GALNTL6: variants seen among roughly 807,000 people sequenced by gnomAD.
GALNTL6 encodes polypeptide N-acetylgalactosaminyltransferase like 6.
Under a neutral mutation model 73.7 loss-of-function variants are expected in GALNTL6, and 46 were observed. The observed-to-expected ratio is 0.62, with a 90% CI of 0.49 to 0.80. The LOEUF (loss-of-function observed/expected upper bound fraction) is 0.80. Ranked by LOEUF, GALNTL6 falls within the 30% of genes least tolerant of loss-of-function variation. The pLI, the probability that GALNTL6 is intolerant of heterozygous loss-of-function variation, is 0.00. For synonymous variants in GALNTL6, 259 were observed against 263.7 expected, an observed-to-expected ratio of 0.98 and a Z score of 0.17; for missense variants, 604 against 755.0, an observed-to-expected ratio of 0.80 and a Z score of 2.34.
intron 5 of GALNTL6, among the ~76,000 whole-genome samples, chr4:172,508,867 A>ATG (rs3083417): frequency 0.87 from 35,261 of 40,398 alleles, 17,155 homozygotes; most frequent in Non-Finnish European, 1. Flanking sequence ...TGCTATAAAC[A>ATG]TGTGTGTGTG....
At chr4:172,762,076 T>TA (rs1171102474) in intron 5 of GALNTL6, among the ~76,000 whole-genome samples, 1 of 152,112 alleles carries the variant, frequency 6.6e-6, no homozygotes. Flanking sequence ...ATTTTCCAAT[T>TA]AAAAAAAATT....
chr4:171,950,482 CTTTT>C (rs149650644), intron 2 of GALNTL6, among the ~76,000 whole-genome samples: 99 of 141,426 alleles, frequency 7.0e-4, no homozygotes, highest in Admixed American at 1.4e-3. Context: ...CTTTTCTTTT[CTTTT>C]TTTTTTTTTT....
rs1479234660 is a variant in GALNTL6 at position 172,952,299 on chromosome 4, C to T, written c.1371+41C>T. On this transcript the variant is annotated intron_variant, in intron 10 of 12. Transcript: ENST00000506823. ...CTGAAACCTGCGCCTACCTATGAGA[C>T]TGTGTGCCTCCCCCATAGCCTCAGG... 7.7e-6 allele frequency: 11 copies of T among 1,434,832 alleles called. No individual in the cohort carries two copies. The South Asian group carries it at 1.3e-4, about 17-fold the overall frequency. The allele number at this position is 1,434,832 out of a possible 1,614,324, so 88.9% of individuals were successfully genotyped here.
chr4:172,923,791 T>C (rs1362217092), intron 8 of GALNTL6, among the ~76,000 whole-genome samples: 1 of 152,136 alleles, frequency 6.6e-6, no homozygotes, highest in African/African-American at 2.4e-5. Context: ...GCAAGTCACA[T>C]CTTACTTGAA....
chr4:173,008,234 C>T (rs747394957), intron 10 of GALNTL6, among the ~76,000 whole-genome samples: 1 of 152,154 alleles, frequency 6.6e-6, no homozygotes, highest in Non-Finnish European at 1.5e-5. Flanking sequence ...CTGCAACATC[C>T]GCCTCATATT....
At chr4:173,036,777 G>A (rs141807250) in intron 12 of GALNTL6, among the ~76,000 whole-genome samples, 6 of 152,238 alleles carry the variant, frequency 3.9e-5, no homozygotes, top group South Asian at 2.1e-4. Context: ...ATCTTCTATC[G>A]TCCTTTAGGG....
chr4:172,804,191 A>G (rs143135387), intron 5 of GALNTL6, among the ~76,000 whole-genome samples: 2 of 152,330 alleles, frequency 1.3e-5, no homozygotes. Context: ...TATTGCCCCT[A>G]TCACTCTGGT....
chr4:171,960,518 A>T (rs1282947010), intron 2 of GALNTL6, among the ~76,000 whole-genome samples: 1 of 151,852 alleles, frequency 6.6e-6, no homozygotes, highest in East Asian at 1.9e-4. Flanking sequence ...GATCTCAGGC[A>T]ATCCACCCAC....
At chr4:172,724,147 T>C (rs1358573439) in intron 5 of GALNTL6, among the ~76,000 whole-genome samples, 1 of 152,170 alleles carries the variant, frequency 6.6e-6, no homozygotes, top group Non-Finnish European at 1.5e-5. Flanking sequence ...CAGTCCTGTA[T>C]ATTATTGCTC....
At chr4:172,123,426 T>C (rs1335499849) in intron 2 of GALNTL6, among the ~76,000 whole-genome samples, 1 of 151,370 alleles carries the variant, frequency 6.6e-6, no homozygotes, top group Admixed American at 6.6e-5. Context: ...TACGATAGCT[T>C]AAAAGAAAAA....
intron 4 of GALNTL6, among the ~76,000 whole-genome samples, chr4:172,343,130 G>C (rs184049076): frequency 3.7e-4 from 56 of 152,166 alleles, no homozygotes; most frequent in Admixed American, 2.0e-3. Flanking sequence ...ATTGTTATAA[G>C]TAAAACAAAA....
At chr4:172,592,796 G>C (rs1290465088) in intron 5 of GALNTL6, among the ~76,000 whole-genome samples, 2 of 151,986 alleles carry the variant, frequency 1.3e-5, no homozygotes, top group East Asian at 3.9e-4. Context: ...ACTTCCCAAG[G>C]AGCTTTGTTT....
chr4:172,223,145 G>T (rs1736741597), intron 2 of GALNTL6, among the ~76,000 whole-genome samples: 1 of 152,006 alleles, frequency 6.6e-6, no homozygotes, highest in Non-Finnish European at 1.5e-5. Flanking sequence ...TGTTTACGAA[G>T]TCAAGAGTAT....
chr4:172,687,770 C>T (rs1449165860), intron 5 of GALNTL6, among the ~76,000 whole-genome samples: 1 of 152,086 alleles, frequency 6.6e-6, no homozygotes, highest in African/African-American at 2.4e-5. Flanking sequence ...CAGAGAATGT[C>T]AGTTACCATA....
chr4:172,600,759 T>C (rs969121041), intron 5 of GALNTL6, among the ~76,000 whole-genome samples: 1 of 151,308 alleles, frequency 6.6e-6, no homozygotes, highest in African/African-American at 2.4e-5. Flanking sequence ...GTAAAGACCA[T>C]TCTAGACCTA....
chr4:172,706,641 T>TGCC (rs1215000243), intron 5 of GALNTL6, among the ~76,000 whole-genome samples: 1 of 152,184 alleles, frequency 6.6e-6, no homozygotes, highest in African/African-American at 2.4e-5. Context: ...CCAAGACCAC[T>TGCC]GCCTCCTTTC....
intron 8 of GALNTL6, among the ~76,000 whole-genome samples, chr4:172,888,331 A>C (rs1019989977): frequency 1.3e-5 from 2 of 152,216 alleles, no homozygotes; most frequent in African/African-American, 4.8e-5. Context: ...TCTTACATTT[A>C]AGTCTTTAAT....
At chr4:172,862,892 G>T (rs1707655149) in intron 7 of GALNTL6, among the ~76,000 whole-genome samples, 1 of 152,202 alleles carries the variant, frequency 6.6e-6, no homozygotes, top group South Asian at 2.1e-4. Flanking sequence ...GGAAAAAATG[G>T]TTTCCTGGGC....
At chr4:172,831,721 A>G (rs1457691303) in intron 7 of GALNTL6, among the ~76,000 whole-genome samples, 2 of 152,194 alleles carry the variant, frequency 1.3e-5, no homozygotes, top group African/African-American at 4.8e-5. Flanking sequence ...AAGCCCCAAC[A>G]TGATGGGATT....
Sources: gnomAD v4.1 joint callset for allele counts (sites outside exome capture counted in the v4.1 genomes callset) on GRCh38, gnomAD v4.1.1 for gene constraint, MANE v1.5 for transcripts, NCBI Gene and HGNC (gene_info 2026-07-23, HGNC 2026-07-21) for gene names.